FAM117B: variants seen among roughly 807,000 people sequenced by gnomAD.
FAM117B encodes family with sequence similarity 117 member B.
Under a neutral mutation model 52.8 loss-of-function variants are expected in FAM117B, and 22 were observed. That is an observed-to-expected ratio of 0.42 (90% CI 0.30 to 0.59). The LOEUF (loss-of-function observed/expected upper bound fraction) is 0.59, where lower values mean the gene tolerates loss of function less well. FAM117B is among the 20% of genes least tolerant of loss of function. The pLI, the probability that FAM117B is intolerant of heterozygous loss-of-function variation, is 0.22. For synonymous variants in FAM117B, 309 were observed against 324.1 expected (o/e 0.95, Z 0.50); for missense variants, 678 against 802.6 (o/e 0.84, Z 1.88).
intron 2 of FAM117B, among the ~76,000 whole-genome samples, chr2:202,699,426 C>CAAAAAAAAAAAAAAAAAAAAAA (rs751190825): frequency 3.9e-4 from 7 of 17,874 alleles, no homozygotes; most frequent in Admixed American, 9.8e-4. Flanking sequence ...GACCCCATCT[C>CAAAAAAAAAAAAAAAAAAAAAA]AAAAAAAAAA....
At chr2:202,669,344 G>A (rs1574548962) in intron 1 of FAM117B, among the ~76,000 whole-genome samples, 1 of 152,158 alleles carries the variant, frequency 6.6e-6, no homozygotes, top group Non-Finnish European at 1.5e-5. Flanking sequence ...TATGGTATCA[G>A]TGTGGGTGGG....
At chr2:202,657,627 T>G (rs1404181054) in intron 1 of FAM117B, among the ~76,000 whole-genome samples, 1 of 152,110 alleles carries the variant, frequency 6.6e-6, no homozygotes, top group African/African-American at 2.4e-5. Flanking sequence ...TAGCTGAGAC[T>G]ATAGGCGCAT....
intron 2 of FAM117B, among the ~76,000 whole-genome samples, chr2:202,719,748 G>A (rs1257175570): frequency 1.3e-5 from 2 of 152,142 alleles, no homozygotes; most frequent in Admixed American, 6.5e-5. Flanking sequence ...CTAGGATCCA[G>A]TCAGGGAGCA....
chr2:202,660,975 G>T (rs930846192), intron 1 of FAM117B, among the ~76,000 whole-genome samples: 1 of 152,122 alleles, frequency 6.6e-6, no homozygotes, highest in African/African-American at 2.4e-5. Context: ...CATCCTGCAG[G>T]GCCCTCCTAC....
intron 2 of FAM117B, among the ~76,000 whole-genome samples, chr2:202,719,821 G>C (rs1691121656): frequency 6.6e-6 from 1 of 152,112 alleles, no homozygotes; most frequent in African/African-American, 2.4e-5. Flanking sequence ...TCCTCAGCCT[G>C]AGTTTTTGAG....
chr2:202,656,425 A>G (rs1243631202), intron 1 of FAM117B, among the ~76,000 whole-genome samples: 1 of 152,190 alleles, frequency 6.6e-6, no homozygotes, highest in Non-Finnish European at 1.5e-5. Flanking sequence ...ATTCAGTTCC[A>G]GGTATTTTCT....
At chr2:202,729,853 G>A (rs928141082) in intron 4 of FAM117B, among the ~76,000 whole-genome samples, 7 of 152,164 alleles carry the variant, frequency 4.6e-5, no homozygotes, top group Admixed American at 6.6e-5. Context: ...AAGACATTTA[G>A]ACTTCAACCT....
Position 202,644,053 on chromosome 2 carries a change from G to GTTT in FAM117B, c.601+8273_601+8275dup, listed in dbSNP as rs1219743876. Among the ~76,000 whole-genome samples the GTTT allele has an allele frequency of 6.7e-3, 402 of 59,854 alleles. 30 individuals are homozygous for GTTT. Among genetic ancestry groups the GTTT allele is most frequent in the South Asian group, 0.01 (16 of 1,544 alleles). 39.3% of individuals were successfully genotyped at this position (59,854 alleles called of 152,430 possible). On this transcript the variant is annotated intron_variant, in intron 1 of 7. Transcript: ENST00000392238. ...ATGCTATACTACTGCTTTAGGAGCTGTTTTTTTTTTGTTTTTTTTTTTTTT... is the reference window on the plus strand; with the variant it reads ...ATGCTATACTACTGCTTTAGGAGCTGTTTTTTTTTTTTTGTTTTTTTTTTTTTT...
At chr2:202,641,532 G>C (rs538856625) in intron 1 of FAM117B, among the ~76,000 whole-genome samples, 24 of 151,960 alleles carry the variant, frequency 1.6e-4, no homozygotes, top group Non-Finnish European at 3.1e-4. Flanking sequence ...CACTTTACTT[G>C]TAAAAAGGGG....
intron 1 of FAM117B, among the ~76,000 whole-genome samples, chr2:202,644,274 T>A (rs1009704416): frequency 6.6e-6 from 1 of 152,162 alleles, no homozygotes; most frequent in Admixed American, 6.5e-5. Context: ...ATTTTCTTTT[T>A]AAATAACTTT....
At chr2:202,719,393 T>G (rs1691113794) in intron 2 of FAM117B, among the ~76,000 whole-genome samples, 1 of 92,842 alleles carries the variant, frequency 1.1e-5, no homozygotes, top group Non-Finnish European at 2.6e-5. Flanking sequence ...TTAAAAACTT[T>G]TTATTTTGAG....
chr2:202,683,543 T>G (rs1690494548), intron 1 of FAM117B, among the ~76,000 whole-genome samples: 1 of 152,106 alleles, frequency 6.6e-6, no homozygotes, highest in African/African-American at 2.4e-5. Flanking sequence ...ATGGACAACT[T>G]TATGCCAATA....
intron 4 of FAM117B, among the ~76,000 whole-genome samples, 200 bp downstream of exon 4, chr2:202,726,563 C>A (rs950248864): frequency 6.6e-6 from 1 of 152,074 alleles, no homozygotes; most frequent in African/African-American, 2.4e-5. Flanking sequence ...ACCTAAGATA[C>A]GACTTCTAGG....
chr2:202,713,975 AGG>A (rs1690997860), intron 2 of FAM117B, among the ~76,000 whole-genome samples: 1 of 152,200 alleles, frequency 6.6e-6, no homozygotes, highest in African/African-American at 2.4e-5. Context: ...CCCAAGTGCT[AGG>A]ATTACAGGTG....
intron 1 of FAM117B, among the ~76,000 whole-genome samples, chr2:202,640,322 ATATATATATATATATATATATG>A (rs1689751622): frequency 8.6e-6 from 1 of 116,288 alleles, no homozygotes; most frequent in African/African-American, 3.6e-5. Flanking sequence ...ATATATATAT[ATATATATATATATATATATATG>A]GCAAGTCGTG....
intron 4 of FAM117B, among the ~76,000 whole-genome samples, chr2:202,754,176 C>A: frequency 6.6e-6 from 1 of 152,184 alleles, no homozygotes; most frequent in East Asian, 1.9e-4. Context: ...ACATATACTT[C>A]ATGGAATACT....
intron 4 of FAM117B, among the ~76,000 whole-genome samples, chr2:202,747,895 A>C (rs1691658720): frequency 6.6e-6 from 1 of 152,108 alleles, no homozygotes; most frequent in Non-Finnish European, 1.5e-5. Context: ...CTATAGATTG[A>C]TTGCAATTAA....
intron 1 of FAM117B, among the ~76,000 whole-genome samples, chr2:202,676,048 T>C (rs1301631886): frequency 6.6e-6 from 1 of 151,604 alleles, no homozygotes; most frequent in Admixed American, 6.6e-5. Flanking sequence ...GAGATTAGGT[T>C]ACTGAAAGAT....
chr2:202,644,708 A>G (rs997528540), intron 1 of FAM117B, among the ~76,000 whole-genome samples: 1 of 152,222 alleles, frequency 6.6e-6, no homozygotes, highest in African/African-American at 2.4e-5. Flanking sequence ...TGGGTATAGA[A>G]TTAGAATTGT....
Sources: allele counts gnomAD v4.1 joint callset (sites outside exome capture counted in the v4.1 genomes callset), GRCh38; gene constraint gnomAD v4.1.1; transcripts MANE v1.5; gene names NCBI Gene and HGNC (gene_info 2026-07-23, HGNC 2026-07-21).